Variants in CNTN4 observed in about 807,000 individuals in gnomAD.
CNTN4 encodes the protein contactin-4.
Under a neutral mutation model 122.5 loss-of-function variants are expected in CNTN4, and 77 were observed. That is an observed-to-expected ratio of 0.63 (90% CI 0.52 to 0.76). CNTN4 has a LOEUF of 0.76. Among genes scored for constraint, CNTN4 ranks in the 30% least tolerant of loss-of-function variants. The probability of loss-of-function intolerance (pLI) is 0.00; values close to 1 mark genes in which losing one functional copy is unlikely to be tolerated. For missense variants in CNTN4, 1,256 were observed against 1,259.1 expected (o/e 1.00, Z 0.04); for synonymous variants, 512 against 447.0 (o/e 1.15, Z -1.83).
chr3:2,133,672 G>A (rs1055141012), intron 2 of CNTN4, among the ~76,000 whole-genome samples: 2 of 152,068 alleles, frequency 1.3e-5, no homozygotes, highest in African/African-American at 4.8e-5. Context: ...TTTTAAACTG[G>A]ACAAATGAAA....
chr3:2,346,300 T>G (rs749760635), intron 3 of CNTN4, among the ~76,000 whole-genome samples: 69 of 152,252 alleles, frequency 4.5e-4, no homozygotes, highest in Non-Finnish European at 9.4e-4. Context: ...CCTAAAATTC[T>G]TTAACTCAAA....
intron 2 of CNTN4, among the ~76,000 whole-genome samples, chr3:2,167,876 C>G (rs1422964130): frequency 6.6e-6 from 1 of 152,136 alleles, no homozygotes; most frequent in African/African-American, 2.4e-5. Context: ...TATTTCAAGA[C>G]CAGGCATGGT....
intron 4 of CNTN4, among the ~76,000 whole-genome samples, chr3:2,696,973 G>A (rs951742544): frequency 6.6e-6 from 1 of 152,148 alleles, no homozygotes; most frequent in Non-Finnish European, 1.5e-5. Flanking sequence ...GGAACGGAAG[G>A]TTGCGAATTA....
At chr3:2,545,389 G>T (rs58573023) in intron 3 of CNTN4, among the ~76,000 whole-genome samples, 50 of 151,998 alleles carry the variant, frequency 3.3e-4, no homozygotes, top group Non-Finnish European at 6.6e-4. Context: ...TTGGTCAAGT[G>T]TTGGGATCAG....
At chr3:3,007,360 T>G (rs541635343) in intron 14 of CNTN4, among the ~76,000 whole-genome samples, 1 of 152,250 alleles carries the variant, frequency 6.6e-6, no homozygotes, top group South Asian at 2.1e-4. Context: ...TGATTTCTCA[T>G]GTATCTGATT....
At chr3:2,731,150 T>A (rs955698405) in intron 4 of CNTN4, among the ~76,000 whole-genome samples, 3 of 152,048 alleles carry the variant, frequency 2.0e-5, no homozygotes, top group African/African-American at 7.2e-5. Flanking sequence ...CTTTCAGTAA[T>A]CCAAAAATTT....
chr3:2,472,960 G>A (rs186730896), intron 3 of CNTN4, among the ~76,000 whole-genome samples: 4 of 152,124 alleles, frequency 2.6e-5, no homozygotes, highest in South Asian at 2.1e-4. Flanking sequence ...TCGGCAGGGC[G>A]TGGTGGCTCA....
chr3:2,247,956 T>C (rs1489776009), intron 2 of CNTN4, among the ~76,000 whole-genome samples: 1 of 152,014 alleles, frequency 6.6e-6, no homozygotes, highest in Non-Finnish European at 1.5e-5. Flanking sequence ...TGGCTTGTTT[T>C]CTTTCTCTAG....
chr3:2,190,738 C>G (rs1029707058), intron 2 of CNTN4, among the ~76,000 whole-genome samples: 3 of 151,588 alleles, frequency 2.0e-5, no homozygotes, highest in Non-Finnish European at 4.4e-5. Flanking sequence ...TTTGGGCTTG[C>G]TGTTTTCTAA....
intron 13 of CNTN4, among the ~76,000 whole-genome samples, chr3:2,954,068 G>A (rs1414933825): frequency 1.3e-5 from 2 of 152,180 alleles, no homozygotes; most frequent in African/African-American, 2.4e-5. Flanking sequence ...TCTAAAATAT[G>A]CATAATCGTT....
intron 4 of CNTN4, among the ~76,000 whole-genome samples, chr3:2,669,668 C>CT (rs2084385786): frequency 6.6e-6 from 1 of 152,136 alleles, no homozygotes. Flanking sequence ...TTCTCCAGTT[C>CT]TTTTAATTGT....
intron 13 of CNTN4, among the ~76,000 whole-genome samples, chr3:2,961,007 G>GGCTC (rs2094848218): frequency 7.1e-6 from 1 of 140,740 alleles, no homozygotes; most frequent in Non-Finnish European, 1.6e-5. Context: ...GAGGCGGGTG[G>GGCTC]ATCACGAGGT....
At chr3:2,400,430 T>C (rs200498258) in intron 3 of CNTN4, among the ~76,000 whole-genome samples, 9,224 of 68,122 alleles carry the variant, frequency 0.14, 619 homozygotes, top group African/African-American at 0.36. Context: ...TATATATACA[T>C]ATATATATAT....
At chr3:2,579,531 GTTTC>G (rs2079843209) in intron 4 of CNTN4, among the ~76,000 whole-genome samples, 1 of 91,318 alleles carries the variant, frequency 1.1e-5, no homozygotes, top group Non-Finnish European at 2.3e-5. Context: ...TAGGTCATGG[GTTTC>G]TTTTTTTTTT....
At chr3:2,820,955 C>CTT (rs2092852807) in intron 7 of CNTN4, among the ~76,000 whole-genome samples, 1 of 94,730 alleles carries the variant, frequency 1.1e-5, no homozygotes, top group Admixed American at 1.1e-4. Context: ...GCAACATTTT[C>CTT]TCTTTCTTTT....
In CNTN4 at chr3:2,546,324, CA is replaced by C. The variant is rs56849200; in HGVS notation, c.-88-25079del. Reference sequence around the variant, plus strand: ...TATATACAATAGAATACTATGCAGCCAAAAAAAAAAAAAGAACAAGATAATG... The same window carrying C: ...TATATACAATAGAATACTATGCAGCCAAAAAAAAAAAAGAACAAGATAATG... On this transcript the variant is annotated intron_variant, in intron 3 of 24. Transcript: ENST00000418658. 7.7e-3 allele frequency among the ~76,000 whole-genome samples: 1,062 copies of C among 137,960 alleles called. 5 individuals are homozygous for C. Among genetic ancestry groups the C allele is most frequent in the African/African-American group, 0.021 (775 of 37,218 alleles). The allele number at this position is 137,960 out of a possible 152,430, so 90.5% of individuals were successfully genotyped here. A position where few individuals can be genotyped will look rare whatever the true frequency, so the allele number is the denominator to read the frequency against.
At chr3:2,798,097 A>G (rs1330996292) in intron 6 of CNTN4, among the ~76,000 whole-genome samples, 4 of 139,512 alleles carry the variant, frequency 2.9e-5, no homozygotes, top group African/African-American at 8.2e-5. Context: ...TCAACTCTCC[A>G]GTGTCTATTA....
At chr3:2,592,707 T>C (rs1450574755) in intron 4 of CNTN4, among the ~76,000 whole-genome samples, 2 of 152,216 alleles carry the variant, frequency 1.3e-5, no homozygotes, top group African/African-American at 4.8e-5. Flanking sequence ...AACCTCTCTC[T>C]TTTGTAAATT....
chr3:2,825,828 C>A (rs2092975423), intron 7 of CNTN4, among the ~76,000 whole-genome samples: 1 of 152,118 alleles, frequency 6.6e-6, no homozygotes, highest in African/African-American at 2.4e-5. Flanking sequence ...CGATTATTTT[C>A]ATTATTACGG....
Sources: gnomAD v4.1 joint callset for allele counts (sites outside exome capture counted in the v4.1 genomes callset) on GRCh38, gnomAD v4.1.1 for gene constraint, MANE v1.5 for transcripts, NCBI Gene and HGNC (gene_info 2026-07-23, HGNC 2026-07-21) for gene names.